Variants in KDM2A observed in about 807,000 individuals in gnomAD.
KDM2A encodes lysine demethylase 2A, also known as lysine-specific demethylase 2A.
A neutral mutation model predicts 137.3 loss-of-function variants in KDM2A; 3 were observed. That is an observed-to-expected ratio of 0.02 (90% CI 0.01 to 0.06). The LOEUF is 0.06. Among genes scored for constraint, KDM2A ranks in the 10% least tolerant of loss-of-function variants. The pLI is 1.00. For synonymous variants in KDM2A, 512 were observed against 541.5 expected, an observed-to-expected ratio of 0.95 and a Z score of 0.76; for missense variants, 738 against 1,510.6, an observed-to-expected ratio of 0.49 and a Z score of 8.48.
At chr11:67,135,928 A>G in intron 2 of KDM2A, among the ~76,000 whole-genome samples, 1 of 152,230 alleles carries the variant, frequency 6.6e-6, no homozygotes, top group East Asian at 1.9e-4. Flanking sequence ...TAGATTCTAG[A>G]TAGCTCATCC....
chr11:67,244,347 A>G (rs1195389206), intron 13 of KDM2A, among the ~76,000 whole-genome samples: 8 of 152,200 alleles, frequency 5.3e-5, no homozygotes, highest in East Asian at 1.9e-4. Context: ...TCTGCTATCT[A>G]CCAGTTCGTA....
chr11:67,175,459 A>T (rs551048129), intron 2 of KDM2A, among the ~76,000 whole-genome samples: 2 of 152,296 alleles, frequency 1.3e-5, no homozygotes, highest in African/African-American at 4.8e-5. Flanking sequence ...CACACACGTA[A>T]TTTTCACACT....
rs1199391477 is a variant in KDM2A at position 67,252,761 on chromosome 11, C to T, written c.2836C>T (p.Leu946Phe). 1 of 1,614,000 alleles carries T rather than the reference C, an allele frequency of 6.2e-7. No homozygotes were observed. The highest frequency in any genetic ancestry group is 8.5e-7 in the Non-Finnish European group (1 of 1,179,890). The change falls in exon 18 of 21, where the codon CTC (leucine) becomes TTC (phenylalanine). Residue 946 changes from leucine (L) to phenylalanine (F), a missense_variant. Physicochemically the swap from Leu to Phe is conservative, Grantham distance 22 (BLOSUM62 0). This residue lies in a region of KDM2A where 166 missense variants were observed against 324.0 expected (regional missense o/e 0.51). Coordinates refer to ENST00000529006, the MANE Select transcript of KDM2A (RefSeq NM_012308.3). ...SRCKAIVPQA[L>F]SGIIKRQPVS... ...GTGTAAGGCCATTGTGCCCCAGGCC[C>T]TCAGTGGCATCATCAAGAGGCAGCC... is the stretch of plus-strand genomic sequence containing the variant.
chr11:67,164,660 G>A (rs985000315), intron 2 of KDM2A, among the ~76,000 whole-genome samples: 8 of 150,912 alleles, frequency 5.3e-5, no homozygotes, highest in Non-Finnish European at 1.0e-4. Context: ...TTGCTCTGTC[G>A]CCCAGGCTGG....
intron 2 of KDM2A, among the ~76,000 whole-genome samples, chr11:67,166,737 C>T (rs1254105408): frequency 2.6e-5 from 4 of 151,824 alleles, no homozygotes; most frequent in African/African-American, 7.3e-5. Flanking sequence ...AACTGGGGAC[C>T]AAGAAGGGAG....
intron 5 of KDM2A, among the ~76,000 whole-genome samples, chr11:67,204,578 G>A (rs1339139414): frequency 2.7e-5 from 4 of 150,302 alleles, no homozygotes; most frequent in South Asian, 2.1e-4. Flanking sequence ...TGCAAGCTCC[G>A]CCTCCTGGGT....
chr11:67,245,576 C>A lies in KDM2A; in HGVS notation c.1833+118C>A. ...GTTGGAAAGAAAAGGTTTATACTCT[C>A]TTTTTGGCTTTATTTTGTACCTTTT... On this transcript the variant is annotated intron_variant, in intron 14 of 20. Coordinates refer to ENST00000529006, the MANE Select transcript of KDM2A (RefSeq NM_012308.3). The surrounding 1 kb of genome is among the most constrained non-coding windows in gnomAD (Gnocchi z 4.1). 1 of 1,132,474 alleles carries A rather than the reference C, an allele frequency of 8.8e-7. No homozygotes were observed. Among genetic ancestry groups the A allele is most frequent in the Admixed American group, 2.8e-5 (1 of 36,298 alleles). 70.2% of individuals were successfully genotyped at this position (1,132,474 alleles called of 1,614,324 possible).
chr11:67,143,584 A>G (rs1456877985), intron 2 of KDM2A, among the ~76,000 whole-genome samples: 2 of 151,894 alleles, frequency 1.3e-5, no homozygotes, highest in East Asian at 1.9e-4. Flanking sequence ...GTGGAATTAT[A>G]TTTTAGTTTC....
At chr11:67,222,408 A>G (rs1858391187) in intron 10 of KDM2A, among the ~76,000 whole-genome samples, 1 of 13,448 alleles carries the variant, frequency 7.4e-5, no homozygotes, top group Non-Finnish European at 1.7e-4. Context: ...ACAGATCAAC[A>G]GGATCCCAAG....
At position 67,245,909 on chromosome 11, in the gene KDM2A, A is replaced by G; in HGVS notation, c.1834-76A>G. 2 of 1,544,534 alleles carry G rather than the reference A, an allele frequency of 1.3e-6. No individual in the cohort carries two copies. Among genetic ancestry groups the G allele is most frequent in the Non-Finnish European group, 1.8e-6 (2 of 1,126,882 alleles). The stretch of plus-strand genomic sequence containing the variant: ...GAGAATTATAGGACCCAAATCTCCC[A>G]TCTTCAGTTTAAGGGAAACTGAAAT... On this transcript the variant is annotated intron_variant, in intron 14 of 20. Transcript: ENST00000529006. The surrounding 1 kb of genome is among the most constrained non-coding windows in gnomAD (Gnocchi z 4.1).
chr11:67,170,048 G>A (rs1277552943), intron 2 of KDM2A, among the ~76,000 whole-genome samples: 1 of 152,052 alleles, frequency 6.6e-6, no homozygotes, highest in Non-Finnish European at 1.5e-5. Context: ...GAGTCACCAT[G>A]CCTGGCCCAC....
chr11:67,206,391 C>G (rs1302948359), intron 5 of KDM2A, among the ~76,000 whole-genome samples: 2 of 152,088 alleles, frequency 1.3e-5, no homozygotes, highest in Non-Finnish European at 2.9e-5. Context: ...AGATTTCGCA[C>G]CACTGCACTC....
At chr11:67,125,867 C>T (rs1055066867) in intron 2 of KDM2A, among the ~76,000 whole-genome samples, 13 of 145,802 alleles carry the variant, frequency 8.9e-5, no homozygotes, top group Non-Finnish European at 1.5e-4. Context: ...TCACTTGAAC[C>T]GGGAGGCAGA....
intron 2 of KDM2A, among the ~76,000 whole-genome samples, chr11:67,124,736 T>TGA (rs1565367932): frequency 6.6e-6 from 1 of 151,270 alleles, no homozygotes; most frequent in Non-Finnish European, 1.5e-5. Context: ...AGTTGTAAGG[T>TGA]GATTGGTACT....
chr11:67,198,285 A>G (rs1590773863), intron 5 of KDM2A, among the ~76,000 whole-genome samples: 1 of 150,274 alleles, frequency 6.7e-6, no homozygotes, highest in African/African-American at 2.4e-5. Flanking sequence ...GTATGAGCGC[A>G]CCTCATTTTA....
chr11:67,135,171 C>T (rs972742227), intron 2 of KDM2A, among the ~76,000 whole-genome samples: 3 of 151,088 alleles, frequency 2.0e-5, no homozygotes, highest in East Asian at 2.0e-4. Context: ...TGGGTTCAAG[C>T]GATTCTCCTG....
intron 5 of KDM2A, among the ~76,000 whole-genome samples, chr11:67,182,862 T>C (rs1432669784): frequency 1.3e-5 from 2 of 152,338 alleles, no homozygotes; most frequent in Admixed American, 6.5e-5. Flanking sequence ...ATGCGTCCAA[T>C]AGGACTTAAA....
chr11:67,128,539 CTAA>C (rs1246624271), intron 2 of KDM2A, among the ~76,000 whole-genome samples: 1 of 152,046 alleles, frequency 6.6e-6, no homozygotes, highest in Non-Finnish European at 1.5e-5. Context: ...GGCCTCCCTC[CTAA>C]TAATGTAGGA....
At chr11:67,197,428 C>T (rs374006715) in intron 5 of KDM2A, among the ~76,000 whole-genome samples, 5 of 152,256 alleles carry the variant, frequency 3.3e-5, no homozygotes, top group African/African-American at 7.2e-5. Flanking sequence ...CAGCCCGCCT[C>T]GGCCCCACCA....
Sources: allele counts gnomAD v4.1 joint callset (sites outside exome capture counted in the v4.1 genomes callset), GRCh38; gene constraint gnomAD v4.1.1; regional missense constraint gnomAD v4.1.1; non-coding constraint Gnocchi (gnomAD v3.1); transcripts MANE v1.5; gene names NCBI Gene and HGNC (gene_info 2026-07-23, HGNC 2026-07-21).